Variants in ARHGEF18 observed in about 807,000 individuals in gnomAD.
ARHGEF18 encodes Rho/Rac guanine nucleotide exchange factor 18, also known as rho guanine nucleotide exchange factor 18.
In ARHGEF18, 93 loss-of-function variants were observed where a neutral mutation model predicts 155.7. The observed-to-expected ratio is 0.60, with a 90% CI of 0.50 to 0.71. The LOEUF (loss-of-function observed/expected upper bound fraction) is 0.71, where lower values mean the gene tolerates loss of function less well. Ranked by LOEUF, ARHGEF18 falls within the 30% of genes least tolerant of loss-of-function variation. ARHGEF18 has a pLI of 0.00. For missense variants in ARHGEF18, 1,593 were observed against 1,816.1 expected, an observed-to-expected ratio of 0.88 and a Z score of 2.23; for synonymous variants, 742 against 753.1, an observed-to-expected ratio of 0.99 and a Z score of 0.24.
intron 10 of ARHGEF18, among the ~76,000 whole-genome samples, chr19:7,428,164 A>T (rs574078253): frequency 1.3e-5 from 2 of 152,294 alleles, no homozygotes; most frequent in African/African-American, 4.8e-5. Flanking sequence ...GTGAAACTGA[A>T]TGGGGGTGGG....
At chr19:7,479,470 G>A in the ARHGEF18 span, among the ~76,000 whole-genome samples, 29 of 152,244 alleles carry the variant, frequency 1.9e-4, no homozygotes, top group East Asian at 4.6e-3. Flanking sequence ...GGCGACAGAG[G>A]AAGACTGTGT....
In ARHGEF18 at chr19:7,444,412, G is replaced by A. The variant is rs1395045911; in HGVS notation, c.1569G>A (p.Arg523=). Residue 523 remains arginine (R), a synonymous_variant, in exon 14 of 29, where the codon CGG becomes CGA. Transcript: ENST00000668164. This position sits in a 1 kb window ranked among gnomAD's most constrained non-coding sequence, Gnocchi z 4.7. ...AGTCCCTGGAGGAGGGCAGTGACCG[G>A]AATTATGTCATCCAGAAAATCGGCG... The part of the protein sequence containing the change: ...RQESLEEGSD[R]NYVIQKIGDL... The A allele has an allele frequency of 1.9e-6, 3 of 1,613,596 alleles. No individual in the cohort carries two copies. Among genetic ancestry groups the A allele is most frequent in the Non-Finnish European group, 2.5e-6 (3 of 1,180,026 alleles).
At chr19:7,418,747 G>A (rs1425716107) in intron 10 of ARHGEF18, among the ~76,000 whole-genome samples, 2 of 152,050 alleles carry the variant, frequency 1.3e-5, no homozygotes, top group Middle Eastern at 3.2e-3. Context: ...TCTCTGCCCC[G>A]GCCCATGTGG....
chr19:7,478,637 A>C, the ARHGEF18 span, among the ~76,000 whole-genome samples: 5 of 152,130 alleles, frequency 3.3e-5, no homozygotes, highest in Admixed American at 6.5e-5. Flanking sequence ...AGCCTCTGCA[A>C]ACCACTGGCA....
In ARHGEF18 at chr19:7,467,648, C is replaced by T. The variant is rs555923197; in HGVS notation, c.3444C>T (p.Thr1148=). The T allele has an allele frequency of 4.6e-6, 7 of 1,514,780 alleles. No homozygotes were observed. In the South Asian group the frequency reaches 8.5e-5, roughly 18 times the overall value. The allele number at this position is 1,514,780 out of a possible 1,614,324, so 93.8% of individuals were successfully genotyped here. Reference sequence around the variant, plus strand: ...TGCGCCGCCTCAAGAAGCAGAACACCGCGCCAGGCGCGCTGCCGCCCGACA... The same window carrying T: ...TGCGCCGCCTCAAGAAGCAGAACACTGCGCCAGGCGCGCTGCCGCCCGACA... The part of the protein sequence containing the change: ...ELLRRLKKQN[T]APGALPPDTL... The change falls in exon 26 of 29, where the codon ACC becomes ACT. Residue 1148 remains threonine, a synonymous_variant. Coordinates refer to ENST00000668164, the MANE Select transcript of ARHGEF18 (RefSeq NM_001367823.1).
chr19:7,432,969 G>A (rs1448800015), intron 10 of ARHGEF18, among the ~76,000 whole-genome samples: 1 of 152,108 alleles, frequency 6.6e-6, no homozygotes, highest in Non-Finnish European at 1.5e-5. Context: ...AGACCAGCCT[G>A]GGCGACATAA....
rs1971030992 is a variant in ARHGEF18, at chr19:7,385,915, CCTCTCTCTCTCTCTCTCTCTCCCCCT to C, written c.967+2716_967+2741del. On this transcript the variant is annotated intron_variant, in intron 10 of 28. Transcript: ENST00000668164. ...CCCTCCCTCTCTCTCTCCCTCTCTC[CCTCTCTCTCTCTCTCTCTCTCCCCCT>C]CTCCCTCTCTCTCTCTCCCTCCCCC... Among the ~76,000 whole-genome samples the C allele has an allele frequency of 8.0e-4, 27 of 33,730 alleles. 1 individual carries two copies. Among genetic ancestry groups the C allele is most frequent in the African/African-American group, 6.5e-3 (23 of 3,552 alleles). 22.1% of individuals were successfully genotyped at this position (33,730 alleles called of 152,430 possible). A position where few individuals can be genotyped will look rare whatever the true frequency, so the allele number is the denominator to read the frequency against.
chr19:7,411,223 T>C (rs1972655516), intron 10 of ARHGEF18, among the ~76,000 whole-genome samples: 1 of 151,906 alleles, frequency 6.6e-6, no homozygotes. Context: ...TCTCTTTCCT[T>C]CTTTTCTTCC....
In ARHGEF18 at chr19:7,444,459, G is replaced by C; in HGVS notation, c.1611+5G>C. On this transcript the variant is annotated splice_donor_5th_base_variant and intron_variant, in intron 14 of 28. Transcript: ENST00000668164. The surrounding 1 kb of genome is among the most constrained non-coding windows in gnomAD (Gnocchi z 4.7). ...GGCGACCTCCTGGTTCAGCAGGTGG[G>C]TGCAGCCGTGTTCATCTCAACAGTC... 6.2e-7 allele frequency: 1 copy of C among 1,612,632 alleles called. No homozygotes were observed. Among genetic ancestry groups the C allele is most frequent in the Non-Finnish European group, 8.5e-7 (1 of 1,179,506 alleles).
chr19:7,447,101 A>G lies in ARHGEF18; in HGVS notation c.1670A>G (p.His557Arg). The G allele has an allele frequency of 4.3e-6, 7 of 1,613,980 alleles. No individual in the cohort carries two copies. The highest frequency in any genetic ancestry group is 5.9e-6 in the Non-Finnish European group (7 of 1,179,964). ...KEKYGVFCSG[H>R]NEAVSHYKLL... The stretch of plus-strand genomic sequence containing the variant: ...AAGTACGGTGTGTTTTGTAGTGGCC[A>G]CAATGAAGCTGTTAGTCATTACAAG... The change falls in exon 15 of 29, where the codon CAC (histidine) becomes CGC (arginine). Residue 557 changes from histidine (H) to arginine (R), a missense_variant. By Grantham distance (29) the His-to-Arg change is conservative (BLOSUM62 0). Transcript: ENST00000668164.
chr19:7,389,658 C>A (rs1477356340), intron 10 of ARHGEF18, among the ~76,000 whole-genome samples: 2 of 151,794 alleles, frequency 1.3e-5, no homozygotes, highest in African/African-American at 2.4e-5. Context: ...CTCAGCCTCC[C>A]GAGTAGCTGG....
At chr19:7,424,246 G>C (rs1307361091) in intron 10 of ARHGEF18, among the ~76,000 whole-genome samples, 1 of 151,900 alleles carries the variant, frequency 6.6e-6, no homozygotes, top group Non-Finnish European at 1.5e-5. Context: ...GGCTGGTCTC[G>C]AACTCCCGAC....
intron 1 of ARHGEF18, among the ~76,000 whole-genome samples, chr19:7,350,071 C>A (rs888474727): frequency 6.6e-6 from 1 of 152,196 alleles, no homozygotes; most frequent in Non-Finnish European, 1.5e-5. Flanking sequence ...TGGGAGACAT[C>A]CCCTGTCTCC....
chr19:7,450,023 A>G (rs1318779207), intron 15 of ARHGEF18, among the ~76,000 whole-genome samples: 4 of 152,136 alleles, frequency 2.6e-5, no homozygotes, highest in Admixed American at 6.6e-5. Flanking sequence ...GCGTTCAGGT[A>G]TCTGGTGTCT....
rs559685648 is a variant in ARHGEF18 at position 7,357,545 on chromosome 19, G to A, written c.-110-5236G>A. 1.5e-4 allele frequency among the ~76,000 whole-genome samples: 23 copies of A among 152,232 alleles called. No individual in the cohort carries two copies. In the South Asian group the frequency reaches 4.6e-3, roughly 30 times the overall value. The stretch of plus-strand genomic sequence containing the variant: ...CTCCTTGGAGAGAAGCATGGGGGTG[G>A]GGAGCAGGGTGCATCCCCAACAGAG... On this transcript the variant is annotated intron_variant, in intron 1 of 28. Transcript: ENST00000668164.
chr19:7,479,978 T>G, the ARHGEF18 span, among the ~76,000 whole-genome samples: 1 of 151,982 alleles, frequency 6.6e-6, no homozygotes, highest in Non-Finnish European at 1.5e-5. Context: ...AAAAATAAAG[T>G]CTGGGCCGGG....
At position 7,440,299 on chromosome 19, in the gene ARHGEF18, C is replaced by G. The variant is rs554689879; in HGVS notation, c.968-45C>G. The G allele has an allele frequency of 5.0e-6, 8 of 1,590,634 alleles. No individual in the cohort carries two copies. The highest frequency in any genetic ancestry group is 1.8e-5 in the Admixed American group (1 of 55,334). On this transcript the variant is annotated intron_variant, in intron 10 of 28. Transcript: ENST00000668164. The surrounding 1 kb of genome is among the most constrained non-coding windows in gnomAD (Gnocchi z 5.4). The stretch of plus-strand genomic sequence containing the variant: ...TTCCGCGCCGGGGACCTCCGCTACC[C>G]GACCCACTTTCTCAGCACCAACTCT...
chr19:7,467,484 G>C lies in ARHGEF18; in HGVS notation c.3280G>C (p.Glu1094Gln), dbSNP rs1006421489. The change falls in exon 26 of 29, where the codon GAG (glutamate) becomes CAG (glutamine). Residue 1094 changes from glutamate (E) to glutamine (Q), a missense_variant. Transcript: ENST00000668164. The part of the protein sequence containing the change: ...AGARLQEREG[E>Q]ARQLRERLEQ... The stretch of plus-strand genomic sequence containing the variant: ...CGCGCGGCTGCAGGAGCGCGAGGGC[G>C]AGGCGCGGCAGCTACGCGAGCGGCT... 7 of 1,452,130 alleles carry C rather than the reference G, an allele frequency of 4.8e-6. No homozygotes were observed. In the African/African-American group the frequency reaches 7.4e-5, roughly 15 times the overall value. The allele number at this position is 1,452,130 out of a possible 1,614,324, so 90.0% of individuals were successfully genotyped here.
chr19:7,478,059 T>C, the ARHGEF18 span, among the ~76,000 whole-genome samples: 2 of 152,168 alleles, frequency 1.3e-5, no homozygotes, highest in African/African-American at 2.4e-5. Flanking sequence ...ACAATGGCCA[T>C]GGCCTTCGGG....
Sources: gnomAD v4.1 joint callset for allele counts (sites outside exome capture counted in the v4.1 genomes callset) on GRCh38, gnomAD v4.1.1 for gene constraint, Gnocchi (gnomAD v3.1) non-coding constraint, MANE v1.5 for transcripts, NCBI Gene and HGNC (gene_info 2026-07-23, HGNC 2026-07-21) for gene names.